HCRTR2: variants seen among roughly 807,000 people sequenced by gnomAD.
HCRTR2 encodes orexin receptor type 2.
HCRTR2 carries 22 observed loss-of-function variants against 49.0 expected under a neutral mutation model. That is an observed-to-expected ratio of 0.45 (90% CI 0.32 to 0.64). The LOEUF is 0.64. Ranked by LOEUF, HCRTR2 falls within the 30% of genes least tolerant of loss-of-function variation. HCRTR2 has a pLI of 0.04. For synonymous variants in HCRTR2, 236 were observed against 205.3 expected (o/e 1.15, Z -1.28); for missense variants, 491 against 559.4 (o/e 0.88, Z 1.23).
chr6:55,133,699 ATCTAT>A (rs1361585834), intron 1 of HCRTR2, among the ~76,000 whole-genome samples: 91 of 135,440 alleles, frequency 6.7e-4, no homozygotes, highest in African/African-American at 3.0e-3. Context: ...CTATCTATCT[ATCTAT>A]ATCTCCATCT....
chr6:55,131,288 C>T (rs535637019), intron 1 of HCRTR2, among the ~76,000 whole-genome samples: 1 of 151,352 alleles, frequency 6.6e-6, no homozygotes, highest in Admixed American at 6.6e-5. Context: ...CAGATTTTAC[C>T]TGTTTGGGGA....
At chr6:55,143,533 G>GT (rs1169561473) in intron 1 of HCRTR2, among the ~76,000 whole-genome samples, 7 of 152,092 alleles carry the variant, frequency 4.6e-5, no homozygotes, top group African/African-American at 1.7e-4. Flanking sequence ...TTCCTTTTTG[G>GT]TTTTTTGTCT....
intron 1 of HCRTR2, among the ~76,000 whole-genome samples, chr6:55,115,069 A>G (rs1402602687): frequency 6.6e-6 from 1 of 151,832 alleles, no homozygotes; most frequent in Non-Finnish European, 1.5e-5. Context: ...AGAATTTTCC[A>G]ATAGTGTTTG....
intron 1 of HCRTR2, among the ~76,000 whole-genome samples, chr6:55,225,182 AT>A (rs1259060232): frequency 7.9e-5 from 12 of 152,198 alleles, no homozygotes; most frequent in Non-Finnish European, 1.6e-4. Context: ...ATGAAAGAAA[AT>A]TAGGAATTAA....
chr6:55,250,205 C>A (rs571690126), intron 2 of HCRTR2, among the ~76,000 whole-genome samples: 1 of 152,040 alleles, frequency 6.6e-6, no homozygotes, highest in Non-Finnish European at 1.5e-5. Flanking sequence ...TGCTGAAAAT[C>A]ATGAATGGAT....
At chr6:55,109,220 T>C (rs540038285) in intron 1 of HCRTR2, among the ~76,000 whole-genome samples, 18 of 152,234 alleles carry the variant, frequency 1.2e-4, no homozygotes, top group African/African-American at 3.9e-4. Context: ...TAAACACATA[T>C]TGGACAAAAG....
intron 4 of HCRTR2, among the ~76,000 whole-genome samples, chr6:55,272,671 G>A (rs1388013189): frequency 6.6e-6 from 1 of 151,346 alleles, no homozygotes; most frequent in Admixed American, 6.6e-5. Context: ...AATTTGACAT[G>A]TTAATGTAAT....
At chr6:55,197,379 A>G (rs1264406332) in intron 1 of HCRTR2, among the ~76,000 whole-genome samples, 1 of 152,080 alleles carries the variant, frequency 6.6e-6, no homozygotes, top group African/African-American at 2.4e-5. Flanking sequence ...CCTGACTCTG[A>G]CTCTAAACAT....
chr6:55,266,539 G>T (rs1386584035), intron 4 of HCRTR2, among the ~76,000 whole-genome samples: 2 of 152,136 alleles, frequency 1.3e-5, no homozygotes, highest in African/African-American at 4.8e-5. Flanking sequence ...AGATATTTTA[G>T]ATTTAGATTC....
chr6:55,121,941 C>T (rs948052048), intron 1 of HCRTR2, among the ~76,000 whole-genome samples: 6 of 152,112 alleles, frequency 3.9e-5, no homozygotes, highest in Non-Finnish European at 7.4e-5. Flanking sequence ...TGTTGTGTCT[C>T]TGCCAAGTTT....
chr6:55,198,024 C>T (rs1316176491), intron 1 of HCRTR2, among the ~76,000 whole-genome samples: 6 of 152,144 alleles, frequency 3.9e-5, no homozygotes, highest in Non-Finnish European at 7.3e-5. Context: ...CTAATTCTAA[C>T]AAGAAACTCA....
In HCRTR2 at chr6:55,145,400, T is replaced by TTTTG. The variant is rs1554167932; in HGVS notation, c.-377-28808_-377-28807insGTTT. On this transcript the variant is annotated intron_variant, in intron 1 of 7. Transcript: ENST00000615358. The stretch of plus-strand genomic sequence containing the variant: ...CGTCTCATAACATTCTTTGTTTTTT[T>TTTTG]TTTTGTTTTTTTGTTTGTTTTTTTT... Among the ~76,000 whole-genome samples, 42 of 124,320 alleles carry TTTTG rather than the reference T, an allele frequency of 3.4e-4. No individual in the cohort carries two copies. The South Asian group carries it at 9.4e-3, about 28-fold the overall frequency. The allele number at this position is 124,320 out of a possible 152,430, so 81.6% of individuals were successfully genotyped here.
chr6:55,166,829 A>C (rs1248073663), intron 1 of HCRTR2, among the ~76,000 whole-genome samples: 1 of 152,168 alleles, frequency 6.6e-6, no homozygotes, highest in Non-Finnish European at 1.5e-5. Context: ...GAATAGATAA[A>C]ATGTGGCATA....
chr6:55,256,627 CT>C (rs1272961355), intron 3 of HCRTR2, among the ~76,000 whole-genome samples: 6 of 151,734 alleles, frequency 4.0e-5, no homozygotes, highest in South Asian at 4.2e-4. Context: ...AACATTCCAA[CT>C]TTTTTTTGCT....
At chr6:55,155,458 G>A (rs945997185) in intron 1 of HCRTR2, among the ~76,000 whole-genome samples, 1 of 151,944 alleles carries the variant, frequency 6.6e-6, no homozygotes, top group African/African-American at 2.4e-5. Flanking sequence ...AGCCAACGGA[G>A]TCTAAATCAA....
chr6:55,192,118 C>T (rs1400060087), intron 1 of HCRTR2, among the ~76,000 whole-genome samples: 1 of 152,032 alleles, frequency 6.6e-6, no homozygotes, highest in African/African-American at 2.4e-5. Context: ...TGTGTATACT[C>T]ATATGAACTT....
chr6:55,121,415 T>G (rs529350289), intron 1 of HCRTR2, among the ~76,000 whole-genome samples: 1 of 152,312 alleles, frequency 6.6e-6, no homozygotes, highest in Admixed American at 6.5e-5. Flanking sequence ...TCATGTCATC[T>G]GCAAGCAGGG....
chr6:55,269,655 A>G (rs570243932), intron 4 of HCRTR2, among the ~76,000 whole-genome samples: 4 of 152,320 alleles, frequency 2.6e-5, no homozygotes, highest in African/African-American at 9.6e-5. Flanking sequence ...ATTTAATAAA[A>G]GAAGCTTAAT....
At chr6:55,245,488 T>TATATATATATATATATATATATAC (rs1282011452) in intron 1 of HCRTR2, among the ~76,000 whole-genome samples, 2 of 132,500 alleles carry the variant, frequency 1.5e-5, no homozygotes, top group African/African-American at 5.7e-5. Context: ...TATATATATA[T>TATATATATATATATATATATATAC]ATATATATAT....
Sources: gnomAD v4.1 joint callset for allele counts (sites outside exome capture counted in the v4.1 genomes callset) on GRCh38, gnomAD v4.1.1 for gene constraint, MANE v1.5 for transcripts, NCBI Gene and HGNC (gene_info 2026-07-23, HGNC 2026-07-21) for gene names.